UTS2B: variants seen among roughly 807,000 people sequenced by gnomAD.
UTS2B encodes urotensin-2B.
A neutral mutation model predicts 19.2 loss-of-function variants in UTS2B; 21 were observed. The observed-to-expected ratio is 1.09, with a 90% CI of 0.78 to 1.58. UTS2B has a LOEUF of 1.58. Ranked by LOEUF, UTS2B falls within the 40% of genes most tolerant of loss-of-function variation. The probability of loss-of-function intolerance (pLI) is 0.00; values close to 1 mark genes in which losing one functional copy is unlikely to be tolerated. For synonymous variants in UTS2B, 57 were observed against 50.2 expected, an observed-to-expected ratio of 1.14 and a Z score of -0.58; for missense variants, 138 against 130.3, an observed-to-expected ratio of 1.06 and a Z score of -0.29.
chr3:191,317,567 TTTGTTGTTGTTG>T (rs61650426), intron 2 of UTS2B, among the ~76,000 whole-genome samples: 95 of 151,432 alleles, frequency 6.3e-4, no homozygotes, highest in South Asian at 5.0e-3. Flanking sequence ...TAGGATAGTC[TTTGTTGTTGTTG>T]TTGTTGTTGT....
At chr3:191,316,892 C>T (rs1028689325) in intron 2 of UTS2B, among the ~76,000 whole-genome samples, 1 of 152,234 alleles carries the variant, frequency 6.6e-6, no homozygotes, top group African/African-American at 2.4e-5. Flanking sequence ...TACAATCCTC[C>T]AGCTAGACAT....
At chr3:191,270,771 A>G (rs9879279) in intron 8 of UTS2B, among the ~76,000 whole-genome samples, 2,033 of 152,260 alleles carry the variant, frequency 0.013, 43 homozygotes, top group African/African-American at 0.046. Flanking sequence ...TGGATCTATC[A>G]TAGTGAAATC....
chr3:191,328,398 C>T (rs978706140), intron 2 of UTS2B: 1 of 152,372 alleles, frequency 6.6e-6, no homozygotes, highest in African/African-American at 2.4e-5. Context: ...CTTCATCTCC[C>T]TTTCTCTTCT....
intron 3 of UTS2B, among the ~76,000 whole-genome samples, chr3:191,307,165 T>C (rs572594843): frequency 6.6e-6 from 1 of 152,312 alleles, no homozygotes; most frequent in Non-Finnish European, 1.5e-5. Context: ...CTGAGTTACT[T>C]TATGTATGCA....
upstream of UTS2B, among the ~76,000 whole-genome samples, chr3:191,332,019 A>G (rs953834113): frequency 6.6e-6 from 1 of 152,182 alleles, no homozygotes; most frequent in African/African-American, 2.4e-5. Context: ...ATATGCAGTT[A>G]CAATTTATAT....
At chr3:191,296,567 C>T (rs1716863963) in intron 4 of UTS2B, among the ~76,000 whole-genome samples, 1 of 152,160 alleles carries the variant, frequency 6.6e-6, no homozygotes, top group East Asian at 1.9e-4. Context: ...ATTCCTGGCC[C>T]ATAATTGTTT....
chr3:191,340,523 C>G, the UTS2B span, among the ~76,000 whole-genome samples: 1 of 152,218 alleles, frequency 6.6e-6, no homozygotes, highest in Non-Finnish European at 1.5e-5. Flanking sequence ...CACTTCTACT[C>G]AACAGTTTTC....
intron 3 of UTS2B, among the ~76,000 whole-genome samples, chr3:191,311,184 G>T (rs1426885939): frequency 1.3e-5 from 2 of 152,196 alleles, no homozygotes; most frequent in East Asian, 3.8e-4. Flanking sequence ...GACATTTCAG[G>T]TTCCCTGATA....
chr3:191,323,489 C>T (rs1276929880), intron 2 of UTS2B, among the ~76,000 whole-genome samples: 1 of 151,988 alleles, frequency 6.6e-6, no homozygotes, highest in East Asian at 1.9e-4. Context: ...TATTTTCTCG[C>T]AAATCTAAGA....
chr3:191,324,754 A>G (rs1717700831), intron 2 of UTS2B, among the ~76,000 whole-genome samples: 2 of 152,332 alleles, frequency 1.3e-5, no homozygotes, highest in South Asian at 4.1e-4. Context: ...GCTCATCAGA[A>G]TAAGGAAGTC....
intron 4 of UTS2B, among the ~76,000 whole-genome samples, chr3:191,284,687 G>T (rs981677796): frequency 6.6e-6 from 1 of 151,402 alleles, no homozygotes; most frequent in Non-Finnish European, 1.5e-5. Context: ...TTGGGAGGCT[G>T]AGGTGGGCGG....
chr3:191,289,438 AT>A (rs1716650545), intron 4 of UTS2B, among the ~76,000 whole-genome samples: 13 of 145,060 alleles, frequency 9.0e-5, no homozygotes, highest in Admixed American at 5.0e-4. Flanking sequence ...AAATAAATAA[AT>A]AAATAAATAA....
At chr3:191,340,745 A>G in the UTS2B span, among the ~76,000 whole-genome samples, 1 of 152,228 alleles carries the variant, frequency 6.6e-6, no homozygotes, top group Non-Finnish European at 1.5e-5. Context: ...ATTCTCCCTC[A>G]GGCGGACATA....
intron 4 of UTS2B, among the ~76,000 whole-genome samples, chr3:191,295,861 C>T (rs1716843523): frequency 6.7e-6 from 1 of 150,012 alleles, no homozygotes; most frequent in African/African-American, 2.5e-5. Context: ...TTCACTCCTT[C>T]TATCTTACTT....
chr3:191,278,336 T>C (rs1210212437), intron 5 of UTS2B, among the ~76,000 whole-genome samples, 166 bp from the exon 6 acceptor site: 2 of 151,914 alleles, frequency 1.3e-5, no homozygotes, highest in Non-Finnish European at 2.9e-5. Context: ...TGAATATATA[T>C]TGAATGAATA....
chr3:191,340,081 C>A, the UTS2B span, among the ~76,000 whole-genome samples: 2 of 152,164 alleles, frequency 1.3e-5, no homozygotes, highest in African/African-American at 4.8e-5. Flanking sequence ...CTATCACTTA[C>A]ACTAAATCAA....
Position 191,327,621 on chromosome 3 carries a change from T to C in UTS2B, c.-586+1010A>G, listed in dbSNP as rs1033631615. Among the ~76,000 whole-genome samples, 6 of 152,306 alleles carry C rather than the reference T, an allele frequency of 3.9e-5. No individual in the cohort carries two copies. In the South Asian group the frequency reaches 1.2e-3, roughly 32 times the overall value. ...TTTGGGTTAAAGGAAAGAAGAATAC[T>C]CTGATATTTCTCTCCTCCCTTCTTT... On this transcript the variant is annotated intron_variant, in intron 2 of 8. Transcript: ENST00000340524.
intron 3 of UTS2B, among the ~76,000 whole-genome samples, chr3:191,308,316 T>C (rs1369611421): frequency 2.0e-5 from 3 of 152,170 alleles, no homozygotes; most frequent in African/African-American, 7.2e-5. Context: ...TTCACTGCAC[T>C]TTGGATCTAC....
Position 191,275,334 on chromosome 3 carries a change from T to G in UTS2B, c.252A>C (p.Leu84=). The G allele has an allele frequency of 6.2e-7, 1 of 1,613,388 alleles. No individual in the cohort carries two copies. The change falls in exon 8 of 9, where the codon CTA becomes CTC. Residue 84 remains leucine (L), a synonymous_variant. Transcript: ENST00000340524. ...CCTTCTCCTCCACTAGCTGTTCTTTTAGCTTTTCCAGCTGATAAAATTGTA... is the reference window on the plus strand; with the variant it reads ...CCTTCTCCTCCACTAGCTGTTCTTTGAGCTTTTCCAGCTGATAAAATTGTA... The part of the protein sequence containing the change: ...KLEELNQLEK[L]KEQLVEEKDS...
Sources: allele counts gnomAD v4.1 joint callset (sites outside exome capture counted in the v4.1 genomes callset), GRCh38; gene constraint gnomAD v4.1.1; transcripts MANE v1.5; gene names NCBI Gene and HGNC (gene_info 2026-07-23, HGNC 2026-07-21).